RGL1: variants seen among roughly 807,000 people sequenced by gnomAD.
The protein encoded by RGL1 is ral guanine nucleotide dissociation stimulator like 1.
Under a neutral mutation model 95.2 loss-of-function variants are expected in RGL1, and 24 were observed. The ratio of observed to expected loss-of-function variants is 0.25; its 90% CI spans 0.18 to 0.35. The LOEUF (loss-of-function observed/expected upper bound fraction) is 0.35, where lower values mean the gene tolerates loss of function less well. RGL1 is among the 10% of genes least tolerant of loss of function. The pLI is 1.00. For missense variants in RGL1, 715 were observed against 936.3 expected (o/e 0.76, Z 3.08); for synonymous variants, 329 against 344.9 (o/e 0.95, Z 0.51).
At chr1:183,733,444 T>C (rs2102235337) in intron 1 of RGL1, among the ~76,000 whole-genome samples, 1 of 152,268 alleles carries the variant, frequency 6.6e-6, no homozygotes, top group Non-Finnish European at 1.5e-5. Flanking sequence ...GGTTTCATTG[T>C]CCCTGTGTTC....
rs1039699171 is a variant in RGL1, at chr1:183,735,959, C to T, written c.-32-6167C>T. On this transcript the variant is annotated intron_variant, in intron 1 of 18. Coordinates refer to the RGL1 transcript ENST00000304685. ...CTTGGATCCCACAATTTGTAGATATCACAATAGCAATCATGGTTAGAGAAG... is the reference window on the plus strand; with the variant it reads ...CTTGGATCCCACAATTTGTAGATATTACAATAGCAATCATGGTTAGAGAAG... 7.2e-4 allele frequency among the ~76,000 whole-genome samples: 109 copies of T among 152,278 alleles called. 1 individual carries two copies. Among genetic ancestry groups the T allele is most frequent in the African/African-American group, 2.5e-3 (102 of 41,556 alleles).
chr1:183,642,456 T>C (rs1380848196), intron 1 of RGL1, among the ~76,000 whole-genome samples: 1 of 152,228 alleles, frequency 6.6e-6, no homozygotes, highest in Non-Finnish European at 1.5e-5. Flanking sequence ...CACCACTCTC[T>C]ACTTTCGGTA....
chr1:183,701,126 A>G (rs1654574919), intron 1 of RGL1, among the ~76,000 whole-genome samples: 1 of 152,196 alleles, frequency 6.6e-6, no homozygotes, highest in African/African-American at 2.4e-5. Context: ...ATCTTTTGCA[A>G]CAGATGGGGA....
intron 3 of RGL1, among the ~76,000 whole-genome samples, chr1:183,850,479 C>T (rs916244447): frequency 6.6e-5 from 10 of 152,108 alleles, no homozygotes; most frequent in African/African-American, 2.2e-4. Context: ...GTAGTTTACT[C>T]GTAAGATGCA....
chr1:183,688,856 G>A (rs568736947), intron 1 of RGL1, among the ~76,000 whole-genome samples: 29 of 152,226 alleles, frequency 1.9e-4, no homozygotes, highest in Non-Finnish European at 2.9e-4. Flanking sequence ...TTTTAAAGCA[G>A]GATATTAAAC....
intron 1 of RGL1, chr1:183,742,019 C>A (rs1657338890): frequency 5.0e-6 from 4 of 792,570 alleles, no homozygotes; most frequent in African/African-American, 3.5e-5. Context: ...ATGATACTGT[C>A]TTTAATGGTC....
chr1:183,754,435 AG>A (rs1165536332), intron 2 of RGL1: 1 of 152,118 alleles, frequency 6.6e-6, no homozygotes, highest in Non-Finnish European at 1.5e-5. Flanking sequence ...ACATAATAAA[AG>A]TTTATTTCTC....
intron 2 of RGL1, among the ~76,000 whole-genome samples, chr1:183,777,521 C>T (rs570499024): frequency 4.6e-5 from 7 of 152,208 alleles, no homozygotes; most frequent in African/African-American, 9.6e-5. Flanking sequence ...AAACATAGGA[C>T]GATTACACAA....
rs1392627068 is a variant in RGL1, at chr1:183,724,073, T to C, written c.-32-18053T>C. ...ACACCCTGGGCCAGAAGCAAACTCA[T>C]TGCCTTGAAGGGAAGAGCCCAGTCC... On this transcript the variant is annotated intron_variant, in intron 1 of 18. Transcript: ENST00000304685. The surrounding 1 kb of genome is among the most constrained non-coding windows in gnomAD (Gnocchi z 4.1). Among the ~76,000 whole-genome samples the C allele has an allele frequency of 6.6e-6, 1 of 152,134 alleles. No individual in the cohort carries two copies. The highest frequency in any genetic ancestry group is 1.5e-5 in the Non-Finnish European group (1 of 68,026).
intron 2 of RGL1, among the ~76,000 whole-genome samples, chr1:183,768,381 T>G (rs1214381320): frequency 6.7e-6 from 1 of 149,602 alleles, no homozygotes; most frequent in African/African-American, 2.4e-5. Flanking sequence ...CACATCTCTC[T>G]CCCCTACTTA....
chr1:183,719,560 G>A (rs1002248840), intron 1 of RGL1, among the ~76,000 whole-genome samples: 1 of 152,082 alleles, frequency 6.6e-6, no homozygotes, highest in Non-Finnish European at 1.5e-5. Flanking sequence ...GGATTACTAG[G>A]AAGAAGTAAA....
rs1295704163 is a variant in RGL1 at position 183,724,761 on chromosome 1, G to A, written c.-32-17365G>A. Among the ~76,000 whole-genome samples, 1 of 152,094 alleles carries A rather than the reference G, an allele frequency of 6.6e-6. No individual in the cohort carries two copies. Among genetic ancestry groups the A allele is most frequent in the Non-Finnish European group, 1.5e-5 (1 of 68,020 alleles). ...GGGAGCTTGCCATCCTTAAGCGAAGGACATGAGCATGGCTGTTTTCACCAC... is the reference window on the plus strand; with the variant it reads ...GGGAGCTTGCCATCCTTAAGCGAAGAACATGAGCATGGCTGTTTTCACCAC... On this transcript the variant is annotated intron_variant, in intron 1 of 18. Transcript: ENST00000304685. This position sits in a 1 kb window ranked among gnomAD's most constrained non-coding sequence, Gnocchi z 4.1.
chr1:183,791,442 T>C (rs1660437376), intron 2 of RGL1, among the ~76,000 whole-genome samples: 1 of 152,176 alleles, frequency 6.6e-6, no homozygotes, highest in Non-Finnish European at 1.5e-5. Flanking sequence ...CTTTCCACCT[T>C]CTCAAAAGTT....
At chr1:183,828,321 G>A (rs1663014933) in intron 2 of RGL1, among the ~76,000 whole-genome samples, 1 of 152,162 alleles carries the variant, frequency 6.6e-6, no homozygotes, top group South Asian at 2.1e-4. Context: ...TGCCTACGAT[G>A]ATGTCTTTTC....
chr1:183,672,764 A>T (rs528148910), intron 1 of RGL1, among the ~76,000 whole-genome samples: 36 of 152,236 alleles, frequency 2.4e-4, no homozygotes, highest in African/African-American at 8.7e-4. Flanking sequence ...TGTTATTTCT[A>T]CCTACTCTTG....
intron 14 of RGL1, among the ~76,000 whole-genome samples, chr1:183,909,365 G>C (rs187048931): frequency 2.0e-5 from 3 of 152,316 alleles, no homozygotes; most frequent in East Asian, 3.9e-4. Flanking sequence ...GAGCCAGAAT[G>C]AACCTTCACA....
At chr1:183,834,043 C>T in intron 2 of RGL1, among the ~76,000 whole-genome samples, 1 of 149,154 alleles carries the variant, frequency 6.7e-6, no homozygotes, top group East Asian at 2.0e-4. Flanking sequence ...GAGGTGGGAC[C>T]TCATAAGAGT....
chr1:183,799,526 T>A (rs1399809365), intron 2 of RGL1, among the ~76,000 whole-genome samples: 1 of 152,222 alleles, frequency 6.6e-6, no homozygotes. Context: ...TATCTCATTC[T>A]GGTTTTGTTG....
chr1:183,690,164 G>A (rs1029698667), intron 1 of RGL1, among the ~76,000 whole-genome samples: 5 of 152,180 alleles, frequency 3.3e-5, no homozygotes, highest in African/African-American at 1.2e-4. Context: ...GGGTGGCTGT[G>A]TGGGAATTGG....
Sources: allele counts gnomAD v4.1 joint callset (sites outside exome capture counted in the v4.1 genomes callset), GRCh38; gene constraint gnomAD v4.1.1; non-coding constraint Gnocchi (gnomAD v3.1); transcripts MANE v1.5; gene names NCBI Gene and HGNC (gene_info 2026-07-23, HGNC 2026-07-21).